The following FBXO42 variants were observed in gnomAD, a reference collection of about 807,000 sequenced individuals.
The protein encoded by FBXO42 is F-box only protein 42.
In FBXO42, 12 loss-of-function variants were observed where a neutral mutation model predicts 71.7. The ratio of observed to expected loss-of-function variants is 0.17; its 90% CI spans 0.11 to 0.27. FBXO42 has a LOEUF of 0.27. Ranked by LOEUF, FBXO42 falls within the 10% of genes least tolerant of loss-of-function variation. The probability of loss-of-function intolerance (pLI) is 1.00; values close to 1 mark genes in which losing one functional copy is unlikely to be tolerated. For synonymous variants in FBXO42, 325 were observed against 327.5 expected (o/e 0.99, Z 0.08); for missense variants, 707 against 911.9 (o/e 0.78, Z 2.89).
intron 4 of FBXO42, among the ~76,000 whole-genome samples, chr1:16,265,897 C>T (rs979540656): frequency 3.3e-5 from 5 of 152,108 alleles, no homozygotes; most frequent in African/African-American, 1.2e-4. Flanking sequence ...GTGTCTTAGG[C>T]AATAATAGCC....
chr1:16,346,871 C>G (rs2082658521), intron 1 of FBXO42, among the ~76,000 whole-genome samples: 1 of 150,312 alleles, frequency 6.7e-6, no homozygotes. Context: ...TCTCCTGGCT[C>G]AGCCTCCTAG....
intron 3 of FBXO42, among the ~76,000 whole-genome samples, chr1:16,296,707 T>C (rs1364457745): frequency 6.6e-6 from 1 of 151,866 alleles, no homozygotes; most frequent in East Asian, 1.9e-4. Flanking sequence ...CACAGATTCA[T>C]TGCCCTGTGC....
intron 4 of FBXO42, among the ~76,000 whole-genome samples, chr1:16,279,086 T>C (rs1001374521): frequency 1.3e-5 from 2 of 152,184 alleles, no homozygotes; most frequent in Non-Finnish European, 2.9e-5. Flanking sequence ...TAGACGGTTA[T>C]TTCTGAACAG....
intron 4 of FBXO42, among the ~76,000 whole-genome samples, chr1:16,268,397 C>T (rs2081801560): frequency 6.6e-6 from 1 of 152,114 alleles, no homozygotes; most frequent in African/African-American, 2.4e-5. Context: ...GGAAAAATCC[C>T]AGGGTCTGAA....
At chr1:16,290,282 C>T (rs934141579) in intron 4 of FBXO42, among the ~76,000 whole-genome samples, 7 of 152,134 alleles carry the variant, frequency 4.6e-5, no homozygotes, top group African/African-American at 1.7e-4. Context: ...TCCACCAAAT[C>T]CATATGGTGA....
rs2081604041 is a variant in FBXO42 at position 16,252,518 on chromosome 1, C to G, written c.922-114G>C. The G allele has an allele frequency of 2.6e-6, 2 of 770,418 alleles. No individual in the cohort carries two copies. The highest frequency in any genetic ancestry group is 5.0e-5 in the East Asian group (2 of 39,640). 47.7% of individuals were successfully genotyped at this position (770,418 alleles called of 1,614,324 possible). On this transcript the variant is annotated intron_variant, in intron 8 of 9. Coordinates refer to ENST00000375592, the MANE Select transcript of FBXO42 (RefSeq NM_018994.3). This position sits in a 1 kb window ranked among gnomAD's most constrained non-coding sequence, Gnocchi z 4.4. ...GTCTGGTCTTGAAAGGATGTGGACT[C>G]TTCAGAAGGATAGCAAAATCCTCAG...
intron 1 of FBXO42, among the ~76,000 whole-genome samples, chr1:16,337,507 A>G (rs1474289017): frequency 6.6e-6 from 1 of 152,172 alleles, no homozygotes; most frequent in African/African-American, 2.4e-5. Flanking sequence ...CCAGATTTGA[A>G]CCCAATCATA....
At chr1:16,256,290 C>T (rs2081643978) in intron 5 of FBXO42, among the ~76,000 whole-genome samples, 1 of 152,204 alleles carries the variant, frequency 6.6e-6, no homozygotes, top group Non-Finnish European at 1.5e-5. Flanking sequence ...CTACAACACT[C>T]CTGGAGTGTT....
intron 2 of FBXO42, among the ~76,000 whole-genome samples, chr1:16,308,647 C>T (rs1324640953): frequency 6.6e-6 from 1 of 151,780 alleles, no homozygotes; most frequent in Non-Finnish European, 1.5e-5. Context: ...TACAGGCACA[C>T]ACCACTGCAC....
intron 1 of FBXO42, among the ~76,000 whole-genome samples, chr1:16,322,378 C>T (rs1406998597): frequency 1.3e-5 from 2 of 152,256 alleles, no homozygotes; most frequent in East Asian, 3.9e-4. Flanking sequence ...GAGTTCAAGA[C>T]CAGCCTGACC....
chr1:16,274,038 A>C (rs2081872620), intron 4 of FBXO42, among the ~76,000 whole-genome samples: 1 of 152,206 alleles, frequency 6.6e-6, no homozygotes. Flanking sequence ...GTCCATTTAC[A>C]CGAAGTTCAA....
At chr1:16,271,186 G>A (rs2081839612) in intron 4 of FBXO42, among the ~76,000 whole-genome samples, 1 of 151,912 alleles carries the variant, frequency 6.6e-6, no homozygotes, top group Admixed American at 6.6e-5. Context: ...GAGAGATGAG[G>A]GGACAGGATG....
At position 16,261,651 on chromosome 1, in the gene FBXO42, C is replaced by T. The variant is rs11806433; in HGVS notation, c.503-4892G>A. 6.5e-3 allele frequency among the ~76,000 whole-genome samples: 986 copies of T among 152,152 alleles called. 6 individuals are homozygous for T. Among genetic ancestry groups the T allele is most frequent in the African/African-American group, 0.023 (943 of 41,506 alleles). On this transcript the variant is annotated intron_variant, in intron 4 of 9. Transcript: ENST00000375592. ...AAATGAGGTGGCAGAGATCAACATA[C>T]AGCTTTTATACAGTGAGTTCAGCAA...
intron 1 of FBXO42, among the ~76,000 whole-genome samples, chr1:16,335,611 A>G (rs932192671): frequency 4.6e-5 from 7 of 152,054 alleles, no homozygotes; most frequent in Admixed American, 1.3e-4. Context: ...CATACCTGTA[A>G]TCCTACCACT....
At chr1:16,279,167 T>C (rs1032640667) in intron 4 of FBXO42, among the ~76,000 whole-genome samples, 3 of 152,224 alleles carry the variant, frequency 2.0e-5, no homozygotes, top group African/African-American at 7.2e-5. Context: ...ACATGTGATA[T>C]GACCAATACT....
intron 4 of FBXO42, among the ~76,000 whole-genome samples, chr1:16,279,975 T>C (rs2081945695): frequency 6.6e-6 from 1 of 151,916 alleles, no homozygotes. Flanking sequence ...GCCTCCTGGG[T>C]AGCTGGGATT....
intron 7 of FBXO42, 115 bp from the exon 8 acceptor site, chr1:16,253,267 T>A: frequency 2.5e-6 from 2 of 797,546 alleles, no homozygotes; most frequent in Non-Finnish European, 4.0e-6. Context: ...ATATTCTAGT[T>A]ACCATAACCT....
At chr1:16,340,229 C>T (rs1037308796) in intron 1 of FBXO42, among the ~76,000 whole-genome samples, 1 of 151,470 alleles carries the variant, frequency 6.6e-6, no homozygotes, top group East Asian at 1.9e-4. Flanking sequence ...AGGTAGATTT[C>T]CTGGAGACTG....
intron 1 of FBXO42, among the ~76,000 whole-genome samples, chr1:16,348,661 A>G (rs1485596416): frequency 6.6e-6 from 1 of 152,190 alleles, no homozygotes; most frequent in Non-Finnish European, 1.5e-5. Context: ...AGATTGCGCC[A>G]CTGCACTCCA....
Sources: gnomAD v4.1 joint callset for allele counts (sites outside exome capture counted in the v4.1 genomes callset) on GRCh38, gnomAD v4.1.1 for gene constraint, Gnocchi (gnomAD v3.1) non-coding constraint, MANE v1.5 for transcripts, NCBI Gene and HGNC (gene_info 2026-07-23, HGNC 2026-07-21) for gene names.